The following SNAP91 variants were observed in gnomAD, a reference collection of about 807,000 sequenced individuals.
The protein encoded by SNAP91 is synaptosome associated protein 91.
A neutral mutation model predicts 100.3 loss-of-function variants in SNAP91; 27 were observed. That is an observed-to-expected ratio of 0.27 (90% CI 0.20 to 0.37). The LOEUF (loss-of-function observed/expected upper bound fraction) is 0.37. SNAP91 is among the 10% of genes least tolerant of loss of function. SNAP91 has a pLI of 1.00. For missense variants in SNAP91, 986 were observed against 1,123.7 expected (o/e 0.88, Z 1.75); for synonymous variants, 404 against 398.6 (o/e 1.01, Z -0.16).
intron 2 of SNAP91, 38 bp downstream of exon 2, chr6:83,707,760 G>A (rs2099400105): frequency 1.2e-6 from 2 of 1,609,520 alleles, no homozygotes; most frequent in East Asian, 2.2e-5. Context: ...AGGCGCCTCT[G>A]CCGTGCGCAT....
At chr6:83,612,178 T>C (rs568343668) in intron 11 of SNAP91, among the ~76,000 whole-genome samples, 1 of 152,264 alleles carries the variant, frequency 6.6e-6, no homozygotes, top group South Asian at 2.1e-4. Context: ...CTTGGTTACA[T>C]GTAGTTTGGC....
At chr6:83,575,800 C>T (rs764011357) in intron 25 of SNAP91, among the ~76,000 whole-genome samples, 1 of 152,058 alleles carries the variant, frequency 6.6e-6, no homozygotes, top group Non-Finnish European at 1.5e-5. Context: ...GTGACAATCT[C>T]GGAGATTGAA....
At chr6:83,647,995 A>G (rs117607262) in intron 7 of SNAP91, among the ~76,000 whole-genome samples, 3,071 of 152,282 alleles carry the variant, frequency 0.02, 55 homozygotes, top group Middle Eastern at 0.068. Context: ...TCACCTCTTA[A>G]TACTATCACA....
rs1165471027 is a variant in SNAP91 at position 83,591,261 on chromosome 6, G to C, written c.1964C>G (p.Pro655Arg). ...AFGSSASEPQPASQAASSSSA... is the reference protein window; with the variant it reads ...AFGSSASEPQRASQAASSSSA... ...TGAACTAGAAGCAGCCTGAGATGCA[G>C]GTTGGGGTTCAGAAGCACTACTTCC... Residue 655 changes from proline (P) to arginine (R), a missense_variant, in exon 22 of 30, where the codon CCT becomes CGT. Transcript: ENST00000369694. 8 of 1,612,876 alleles carry C rather than the reference G, an allele frequency of 5.0e-6. No individual in the cohort carries two copies. The highest frequency in any genetic ancestry group is 6.8e-6 in the Non-Finnish European group (8 of 1,179,120).
intron 2 of SNAP91, among the ~76,000 whole-genome samples, chr6:83,696,681 G>A (rs2099217142): frequency 6.6e-6 from 1 of 152,152 alleles, no homozygotes. Context: ...CATTCTTTAA[G>A]TCTGGGCTTA....
At chr6:83,700,031 C>T (rs970830796) in intron 2 of SNAP91, among the ~76,000 whole-genome samples, 1 of 152,054 alleles carries the variant, frequency 6.6e-6, no homozygotes, top group Non-Finnish European at 1.5e-5. Flanking sequence ...GTAAACACTG[C>T]CTTCATCAAA....
intron 9 of SNAP91, among the ~76,000 whole-genome samples, chr6:83,618,680 A>G (rs2096595277): frequency 6.6e-6 from 1 of 151,956 alleles, no homozygotes; most frequent in South Asian, 2.1e-4. Context: ...TGTCATACTA[A>G]TTGCCAGTGA....
intron 24 of SNAP91, among the ~76,000 whole-genome samples, chr6:83,579,989 T>C (rs1179505734): frequency 6.6e-6 from 1 of 152,178 alleles, no homozygotes; most frequent in Non-Finnish European, 1.5e-5. Context: ...TTTATCTGTT[T>C]TGCTCACTGG....
At chr6:83,560,635 A>G (rs1315737808) in intron 27 of SNAP91, among the ~76,000 whole-genome samples, 1 of 152,264 alleles carries the variant, frequency 6.6e-6, no homozygotes, top group Non-Finnish European at 1.5e-5. Context: ...CAAAAATGAT[A>G]TAACAATGTA....
At position 83,594,384 on chromosome 6, in the gene SNAP91, A is replaced by C; in HGVS notation, c.1422T>G (p.Cys474Trp). Reference sequence around the variant, plus strand: ...TGACTTTAAACCCACCATTTCCTGAACATGCATCAAGTGCTGCTGCTACAG... The same window carrying C: ...TGACTTTAAACCCACCATTTCCTGACCATGCATCAAGTGCTGCTGCTACAG... Reference protein sequence around the residue: ...PTPVAAALDACSGNDPFAPSE... With the variant: ...PTPVAAALDAWSGNDPFAPSE... Residue 474 changes from cysteine to tryptophan, a missense_variant, in exon 17 of 30, where the codon TGT becomes TGG. Cys to Trp is a radical substitution (Grantham distance 215). Around this residue, in one of 4 missense-constraint regions of SNAP91, gnomAD observed 575 missense variants for 579.9 expected, o/e 0.99. Transcript: ENST00000369694. 1 of 1,553,014 alleles carries C rather than the reference A, an allele frequency of 6.4e-7. No homozygotes were observed. The highest frequency in any genetic ancestry group is 8.7e-7 in the Non-Finnish European group (1 of 1,147,534).
chr6:83,610,718 T>C (rs1235835252), intron 11 of SNAP91, 41 bp from the exon 12 acceptor site: 4 of 164,984 alleles, frequency 2.4e-5, no homozygotes, highest in South Asian at 6.2e-4. Context: ...TGAATATATA[T>C]ATATATATAT....
intron 2 of SNAP91, among the ~76,000 whole-genome samples, chr6:83,699,383 AAATAT>A (rs1451013020): frequency 1.3e-5 from 2 of 152,144 alleles, no homozygotes; most frequent in African/African-American, 2.4e-5. Context: ...CAAAAACAAA[AAATAT>A]AAATAAATAA....
intron 2 of SNAP91, among the ~76,000 whole-genome samples, chr6:83,702,243 G>A (rs1476680507): frequency 6.6e-6 from 1 of 152,126 alleles, no homozygotes; most frequent in African/African-American, 2.4e-5. Flanking sequence ...CTCAGGAGTT[G>A]ACTCACTTAA....
chr6:83,562,988 C>T (rs4707007), intron 26 of SNAP91, among the ~76,000 whole-genome samples: 4,838 of 152,286 alleles, frequency 0.032, 352 homozygotes, highest in East Asian at 0.17. Flanking sequence ...TCCTCTGTGT[C>T]TCACTTGACT....
rs1380284879 is a variant in SNAP91, at chr6:83,591,258, G to T, written c.1967C>A (p.Ala656Glu). Residue 656 changes from alanine to glutamate, a missense_variant, in exon 22 of 30, where the codon GCA (alanine) becomes GAA (glutamate). Transcript: ENST00000369694. Reference sequence around the variant, plus strand: ...TGATGAACTAGAAGCAGCCTGAGATGCAGGTTGGGGTTCAGAAGCACTACT... The same window carrying T: ...TGATGAACTAGAAGCAGCCTGAGATTCAGGTTGGGGTTCAGAAGCACTACT... ...FGSSASEPQP[A>E]SQAASSSSAS... is the part of the protein sequence containing the mutation. 2 of 1,612,946 alleles carry T rather than the reference G, an allele frequency of 1.2e-6. No homozygotes were observed. Among genetic ancestry groups the T allele is most frequent in the Middle Eastern group, 3.3e-4 (2 of 6,058 alleles).
intron 12 of SNAP91, among the ~76,000 whole-genome samples, chr6:83,610,381 A>G (rs2095926838): frequency 6.6e-6 from 1 of 151,828 alleles, no homozygotes; most frequent in African/African-American, 2.4e-5. Flanking sequence ...ATGCGCTCAC[A>G]TATATGAGGT....
intron 9 of SNAP91, 109 bp from the exon 10 acceptor site, chr6:83,617,148 A>G (rs1379133916): frequency 2.7e-5 from 15 of 563,176 alleles, no homozygotes; most frequent in Middle Eastern, 3.1e-4. Context: ...ACCCCGATAT[A>G]TATGTGAGAT....
At chr6:83,641,323 A>C (rs1241752997) in intron 7 of SNAP91, 121 bp from the exon 8 acceptor site, 1 of 513,872 alleles carries the variant, frequency 1.9e-6, no homozygotes, top group Non-Finnish European at 3.4e-6. Flanking sequence ...CTTGGCAGTA[A>C]AACTTATATG....
chr6:83,638,830 AT>A (rs1388270661), intron 8 of SNAP91, among the ~76,000 whole-genome samples: 2 of 152,230 alleles, frequency 1.3e-5, no homozygotes, highest in Non-Finnish European at 2.9e-5. Flanking sequence ...GTCTGCAAAT[AT>A]TCTGGGAGAT....
Sources: allele counts gnomAD v4.1 joint callset (sites outside exome capture counted in the v4.1 genomes callset), GRCh38; gene constraint gnomAD v4.1.1; regional missense constraint gnomAD v4.1.1; transcripts MANE v1.5; gene names NCBI Gene and HGNC (gene_info 2026-07-23, HGNC 2026-07-21).